RBM20: variants seen among roughly 807,000 people sequenced by gnomAD.
RBM20 encodes RNA binding motif protein 20, also known as RNA-binding protein 20.
Under a neutral mutation model 110.1 loss-of-function variants are expected in RBM20, and 51 were observed. That is an observed-to-expected ratio of 0.46 (90% confidence interval 0.37 to 0.59). The LOEUF (loss-of-function observed/expected upper bound fraction) is 0.59. Ranked by LOEUF, RBM20 falls within the 20% of genes least tolerant of loss-of-function variation. The pLI, the probability that RBM20 is intolerant of heterozygous loss-of-function variation, is 0.00. For synonymous variants in RBM20, 589 were observed against 618.2 expected, an observed-to-expected ratio of 0.95 and a Z score of 0.70; for missense variants, 1,512 against 1,574.9, an observed-to-expected ratio of 0.96 and a Z score of 0.68.
chr10:110,806,136 C>T lies in RBM20; in HGVS notation c.1801-4247C>T, dbSNP rs993147043. 3.9e-5 allele frequency among the ~76,000 whole-genome samples: 6 copies of T among 152,060 alleles called. No individual in the cohort carries two copies. In the South Asian group the frequency reaches 6.3e-4, roughly 16 times the overall value. ...TACAAAAATTAGCCAGGTGTGGTGG[C>T]GGGCACCTGTAATCCCAGATGCTTG... On this transcript the variant is annotated intron_variant, in intron 7 of 13. Transcript: ENST00000369519.
At chr10:110,822,914 A>G (rs1183136559) in intron 11 of RBM20, among the ~76,000 whole-genome samples, 1 of 152,132 alleles carries the variant, frequency 6.6e-6, no homozygotes, top group Non-Finnish European at 1.5e-5. Flanking sequence ...CTCTGTCTAG[A>G]GAAGGCAAGA....
intron 1 of RBM20, among the ~76,000 whole-genome samples, chr10:110,736,196 GAA>G (rs1843668583): frequency 6.6e-6 from 1 of 152,210 alleles, no homozygotes; most frequent in South Asian, 2.1e-4. Context: ...CTTAAAGCAA[GAA>G]AATTGCAATG....
At chr10:110,674,829 G>A (rs988017458) in intron 1 of RBM20, among the ~76,000 whole-genome samples, 4 of 152,142 alleles carry the variant, frequency 2.6e-5, no homozygotes, top group Admixed American at 6.5e-5. Context: ...TTCTCCCACC[G>A]GAGGATATGC....
intron 1 of RBM20, among the ~76,000 whole-genome samples, chr10:110,660,619 C>T (rs1270625952): frequency 6.6e-6 from 1 of 152,018 alleles, no homozygotes; most frequent in Non-Finnish European, 1.5e-5. Flanking sequence ...CTATTGTGAA[C>T]TGCACATAGG....
At chr10:110,660,228 G>A (rs1360856026) in intron 1 of RBM20, among the ~76,000 whole-genome samples, 1 of 151,986 alleles carries the variant, frequency 6.6e-6, no homozygotes, top group Non-Finnish European at 1.5e-5. Flanking sequence ...CAGTAATAAT[G>A]ACAGTCGACT....
chr10:110,645,692 T>G (rs1861858091), intron 1 of RBM20, among the ~76,000 whole-genome samples: 1 of 152,256 alleles, frequency 6.6e-6, no homozygotes. Flanking sequence ...TATTTATTGT[T>G]TTGAAGACTG....
At chr10:110,719,172 C>T (rs1036574927) in intron 1 of RBM20, among the ~76,000 whole-genome samples, 5 of 152,352 alleles carry the variant, frequency 3.3e-5, no homozygotes, top group African/African-American at 9.6e-5. Context: ...AAAGGCTTTT[C>T]GGATTCAGAC....
At chr10:110,723,740 T>G (rs895831157) in intron 1 of RBM20, among the ~76,000 whole-genome samples, 1 of 152,246 alleles carries the variant, frequency 6.6e-6, no homozygotes, top group African/African-American at 2.4e-5. Context: ...GACACATCTA[T>G]TCAAATCCTT....
intron 1 of RBM20, among the ~76,000 whole-genome samples, chr10:110,755,413 C>T (rs886895105): frequency 6.6e-6 from 1 of 152,196 alleles, no homozygotes; most frequent in Admixed American, 6.5e-5. Flanking sequence ...TCATTCAGCT[C>T]TTCAGTGTTT....
chr10:110,684,625 A>T (rs1324448188), intron 1 of RBM20, among the ~76,000 whole-genome samples: 1 of 152,192 alleles, frequency 6.6e-6, no homozygotes, highest in African/African-American at 2.4e-5. Context: ...GCTACAAAAC[A>T]CTGTAGAAGT....
rs547089283 is a variant in RBM20 at position 110,812,413 on chromosome 10, C to G, written c.2016C>G (p.Gly672=). 5 of 1,551,698 alleles carry G rather than the reference C, an allele frequency of 3.2e-6. No homozygotes were observed. The highest frequency in any genetic ancestry group is 4.4e-6 in the Non-Finnish European group (5 of 1,147,006). The part of the protein sequence containing the change: ...PGPSRADWGN[G]RDSWEHSPYA... ...CCTCCCGGGCTGACTGGGGCAATGGCCGGGACTCCTGGGAGCACTCTCCCT... is the reference window on the plus strand; with the variant it reads ...CCTCCCGGGCTGACTGGGGCAATGGGCGGGACTCCTGGGAGCACTCTCCCT... Residue 672 remains glycine, a synonymous_variant, in exon 9 of 14, where the codon GGC becomes GGG. Transcript: ENST00000369519.
At position 110,821,825 on chromosome 10, in the gene RBM20, G is replaced by C. The variant is rs756876581; in HGVS notation, c.3206G>C (p.Arg1069Thr). Residue 1069 changes from arginine to threonine, a missense_variant, in exon 11 of 14, where the codon AGG becomes ACG. By Grantham distance (71) the Arg-to-Thr change is moderately conservative. Coordinates refer to ENST00000369519, the MANE Select transcript of RBM20 (RefSeq NM_001134363.3). The stretch of plus-strand genomic sequence containing the variant: ...CCATTTGTGGATGATTGCAAGACCA[G>C]GGGGACCCCCGAAGATGGGGCTTGT... ...PSPFVDDCKTRGTPEDGACEG... is the reference protein window; with the variant it reads ...PSPFVDDCKTTGTPEDGACEG... 4 of 1,551,756 alleles carry C rather than the reference G, an allele frequency of 2.6e-6. No homozygotes were observed. The South Asian group carries it at 4.8e-5, about 18-fold the overall frequency.
chr10:110,735,003 T>G (rs964199873), intron 1 of RBM20, among the ~76,000 whole-genome samples: 1 of 152,226 alleles, frequency 6.6e-6, no homozygotes, highest in African/African-American at 2.4e-5. Context: ...GTATCCACAG[T>G]GTATACACCA....
intron 1 of RBM20, among the ~76,000 whole-genome samples, chr10:110,675,103 G>A (rs1028396769): frequency 6.7e-6 from 1 of 148,996 alleles, no homozygotes; most frequent in East Asian, 2.0e-4. Context: ...AAGAACAATG[G>A]ATCATCTGTG....
At chr10:110,744,880 G>A (rs1315743055) in intron 1 of RBM20, among the ~76,000 whole-genome samples, 2 of 152,244 alleles carry the variant, frequency 1.3e-5, no homozygotes, top group African/African-American at 4.8e-5. Context: ...CGGCCACCAT[G>A]TGGGTCAAGA....
In RBM20 at chr10:110,812,626, C is replaced by G. The variant is rs1060504912; in HGVS notation, c.2229C>G (p.Pro743=). 1.3e-6 allele frequency: 2 copies of G among 1,551,640 alleles called. No homozygotes were observed. Among genetic ancestry groups the G allele is most frequent in the Non-Finnish European group, 1.7e-6 (2 of 1,146,984 alleles). ...HREKYPRSGS[P]NLPHSVSSYK... is the part of the protein sequence containing the mutation. ...AGAAGTACCCGAGATCTGGGTCTCC[C>G]AACCTGCCCCACTCTGTGTCCAGCT... is the stretch of plus-strand genomic sequence containing the variant. The change falls in exon 9 of 14, where the codon CCC becomes CCG. Residue 743 remains proline (P), a synonymous_variant. Transcript: ENST00000369519.
At chr10:110,811,418 G>A (rs531989650) in intron 8 of RBM20, among the ~76,000 whole-genome samples, 8 of 152,308 alleles carry the variant, frequency 5.3e-5, no homozygotes, top group Non-Finnish European at 7.3e-5. Flanking sequence ...ATCTTTGTAC[G>A]TAACTGTTCA....
chr10:110,728,212 T>A (rs1843584617), intron 1 of RBM20, among the ~76,000 whole-genome samples: 1 of 152,184 alleles, frequency 6.6e-6, no homozygotes, highest in Non-Finnish European at 1.5e-5. Context: ...AGCCTAGTTT[T>A]TACTGGGGCT....
At chr10:110,653,551 G>C (rs1391725718) in intron 1 of RBM20, among the ~76,000 whole-genome samples, 1 of 141,202 alleles carries the variant, frequency 7.1e-6, no homozygotes, top group Non-Finnish European at 1.5e-5. Flanking sequence ...TTTTGCATTT[G>C]TTTATAATGT....
Sources: allele counts gnomAD v4.1 joint callset (sites outside exome capture counted in the v4.1 genomes callset), GRCh38; gene constraint gnomAD v4.1.1; transcripts MANE v1.5; gene names NCBI Gene and HGNC (gene_info 2026-07-23, HGNC 2026-07-21).